Variants in RBM33 observed in about 807,000 individuals in gnomAD.
RBM33 encodes RNA binding motif protein 33.
A neutral mutation model predicts 132.6 loss-of-function variants in RBM33; 28 were observed. The ratio of observed to expected loss-of-function variants is 0.21; its 90% CI spans 0.16 to 0.29. RBM33 has a LOEUF of 0.29. Ranked by LOEUF, RBM33 falls within the 10% of genes least tolerant of loss-of-function variation. The pLI, the probability that RBM33 is intolerant of heterozygous loss-of-function variation, is 1.00. For synonymous variants in RBM33, 634 were observed against 593.0 expected (o/e 1.07, Z -1.01); for missense variants, 1,291 against 1,518.5 (o/e 0.85, Z 2.49).
Position 155,739,921 on chromosome 7 carries a change from T to G in RBM33, c.1944T>G (p.Pro648=), listed in dbSNP as rs1801271714. ...HHHHLSVPPP[P]LMPMSQPQFR... ...ACCACCTGTCCGTCCCGCCCCCTCC[T>G]TTGATGCCGATGTCTCAGCCACAGT... is the stretch of plus-strand genomic sequence containing the variant. Residue 648 remains proline, a synonymous_variant, in exon 12 of 18, where the codon CCT becomes CCG. Coordinates refer to ENST00000401878, the MANE Select transcript of RBM33 (RefSeq NM_053043.3). 1 of 1,544,320 alleles carries G rather than the reference T, an allele frequency of 6.5e-7. No homozygotes were observed. Among genetic ancestry groups the G allele is most frequent in the Non-Finnish European group, 8.7e-7 (1 of 1,144,718 alleles).
chr7:155,722,434 AAAGT>A (rs1800656215), intron 9 of RBM33, among the ~76,000 whole-genome samples: 1 of 152,192 alleles, frequency 6.6e-6, no homozygotes, highest in South Asian at 2.1e-4. Flanking sequence ...TACCTTTCTG[AAAGT>A]AAGTTTCTAC....
chr7:155,671,029 C>G (rs1478008001), intron 2 of RBM33, among the ~76,000 whole-genome samples: 3 of 152,146 alleles, frequency 2.0e-5, no homozygotes, highest in African/African-American at 7.2e-5. Context: ...CCCTGGGAAA[C>G]TGGCATCACA....
chr7:155,718,379 T>G lies in RBM33; in HGVS notation c.1202-6T>G. The G allele has an allele frequency of 6.2e-7, 1 of 1,613,774 alleles. No homozygotes were observed. Among genetic ancestry groups the G allele is most frequent in the Non-Finnish European group, 8.5e-7 (1 of 1,179,702 alleles). ...GTGTCTCTAACACAAGGGGTTTTTC[T>G]TGCAGTGCCCTTGCTACCAGTTCCG... On this transcript the variant is annotated splice_region_variant and splice_polypyrimidine_tract_variant and intron_variant, in intron 8 of 17. Coordinates refer to ENST00000401878, the MANE Select transcript of RBM33 (RefSeq NM_053043.3).
chr7:155,665,108 G>T, intron 1 of RBM33, 67 bp from the exon 2 acceptor site: 1 of 1,393,688 alleles, frequency 7.2e-7, no homozygotes, highest in Non-Finnish European at 1.0e-6. Context: ...TTGTTTTAGT[G>T]TTTGAATTAT....
At chr7:155,764,166 A>G (rs1802138040) in intron 15 of RBM33, 148 bp downstream of exon 15, 1 of 711,592 alleles carries the variant, frequency 1.4e-6, no homozygotes, top group Non-Finnish European at 2.2e-6. Context: ...GGCTTTGAAA[A>G]CGCGTTAACA....
At chr7:155,763,467 T>C (rs1342434835) in intron 14 of RBM33, among the ~76,000 whole-genome samples, 2 of 152,266 alleles carry the variant, frequency 1.3e-5, no homozygotes, top group Non-Finnish European at 2.9e-5. Flanking sequence ...AAGTGAATAA[T>C]GCATGCTGAA....
intron 1 of RBM33, among the ~76,000 whole-genome samples, chr7:155,654,583 C>G (rs796564950): frequency 6.2e-4 from 95 of 152,294 alleles, no homozygotes; most frequent in African/African-American, 2.2e-3. Flanking sequence ...TGGAACTCAG[C>G]CTCTGTGCTG....
intron 14 of RBM33, among the ~76,000 whole-genome samples, chr7:155,750,389 C>T (rs1563175553): frequency 6.6e-6 from 1 of 152,100 alleles, no homozygotes; most frequent in South Asian, 2.1e-4. Context: ...TCATCTAAAA[C>T]CAGTCTGTGT....
chr7:155,697,180 C>T (rs1270174331), intron 5 of RBM33, among the ~76,000 whole-genome samples: 3 of 151,354 alleles, frequency 2.0e-5, no homozygotes, highest in African/African-American at 7.4e-5. Context: ...ACTTAAGCCC[C>T]ACCTCCTGGA....
At chr7:155,656,670 A>C (rs1272737213) in intron 1 of RBM33, among the ~76,000 whole-genome samples, 1 of 152,250 alleles carries the variant, frequency 6.6e-6, no homozygotes, top group African/African-American at 2.4e-5. Context: ...TTTTCTACAA[A>C]GTCAGACATT....
intron 1 of RBM33, among the ~76,000 whole-genome samples, chr7:155,661,148 T>TATA (rs1798638903): frequency 4.9e-5 from 2 of 41,234 alleles, no homozygotes; most frequent in Non-Finnish European, 9.2e-5. Flanking sequence ...ATATATATAT[T>TATA]TTTTTTTTTT....
chr7:155,707,580 T>C (rs1455010013), intron 7 of RBM33, among the ~76,000 whole-genome samples: 1 of 152,240 alleles, frequency 6.6e-6, no homozygotes, highest in Admixed American at 6.5e-5. Flanking sequence ...CATGTACCTG[T>C]AATTTCAATT....
At chr7:155,682,497 C>G (rs1295145083) in intron 5 of RBM33, among the ~76,000 whole-genome samples, 1 of 152,132 alleles carries the variant, frequency 6.6e-6, no homozygotes, top group Non-Finnish European at 1.5e-5. Context: ...AGAATTGTGC[C>G]TAGTTATTGC....
chr7:155,745,853 C>T lies in RBM33; in HGVS notation c.2979+251C>T. On this transcript the variant is annotated intron_variant, in intron 14 of 17. Transcript: ENST00000401878. This position sits in a 1 kb window ranked among gnomAD's most constrained non-coding sequence, Gnocchi z 4.1. ...AATGTACTTCCATACACAGACGGTA[C>T]AGCCTGCTGCACACCTAGGCTATAT... 1 of 502,596 alleles carries T rather than the reference C, an allele frequency of 2.0e-6. No individual in the cohort carries two copies. The highest frequency in any genetic ancestry group is 3.5e-5 in the East Asian group (1 of 28,704). 31.1% of individuals were successfully genotyped at this position (502,596 alleles called of 1,614,324 possible).
intron 5 of RBM33, among the ~76,000 whole-genome samples, chr7:155,690,034 T>G (rs2116938712): frequency 6.6e-6 from 1 of 152,326 alleles, no homozygotes; most frequent in South Asian, 2.1e-4. Flanking sequence ...TTGTTAACTT[T>G]CTGTCTCGTT....
chr7:155,729,692 G>A (rs1800896238), intron 9 of RBM33, among the ~76,000 whole-genome samples: 1 of 148,642 alleles, frequency 6.7e-6, no homozygotes, highest in Non-Finnish European at 1.5e-5. Flanking sequence ...AGCTGTGATC[G>A]CACCGCTATA....
At chr7:155,678,359 A>G (rs1799245033) in intron 3 of RBM33, among the ~76,000 whole-genome samples, 1 of 152,218 alleles carries the variant, frequency 6.6e-6, no homozygotes, top group East Asian at 1.9e-4. Context: ...CTTTTGTGTG[A>G]GAATAAATGT....
chr7:155,741,389 G>C (rs945633661), intron 12 of RBM33, among the ~76,000 whole-genome samples: 3 of 152,188 alleles, frequency 2.0e-5, no homozygotes, highest in African/African-American at 7.2e-5. Context: ...CCTGATGCTT[G>C]ATTCTTTCCT....
chr7:155,650,401 A>G (rs369240954), intron 1 of RBM33, among the ~76,000 whole-genome samples: 5 of 152,308 alleles, frequency 3.3e-5, no homozygotes, highest in Middle Eastern at 3.4e-3. Context: ...TTAATCTCTT[A>G]ATGTAATCTA....
Sources: allele counts gnomAD v4.1 joint callset (sites outside exome capture counted in the v4.1 genomes callset), GRCh38; gene constraint gnomAD v4.1.1; non-coding constraint Gnocchi (gnomAD v3.1); transcripts MANE v1.5; gene names NCBI Gene and HGNC (gene_info 2026-07-23, HGNC 2026-07-21).